Variants in KLHL40 observed in about 807,000 individuals in gnomAD.
The protein encoded by KLHL40 is kelch like family member 40, also known as kelch-like protein 40.
Under a neutral mutation model 49.7 loss-of-function variants are expected in KLHL40, and 44 were observed. That is an observed-to-expected ratio of 0.89 (90% CI 0.70 to 1.14). The LOEUF (loss-of-function observed/expected upper bound fraction) is 1.14. KLHL40 is among the 50% of genes most tolerant of loss of function. The probability of loss-of-function intolerance (pLI) is 0.00; values close to 1 mark genes in which losing one functional copy is unlikely to be tolerated. For missense variants in KLHL40, 892 were observed against 850.3 expected, an observed-to-expected ratio of 1.05 and a Z score of -0.61; for synonymous variants, 409 against 365.2, an observed-to-expected ratio of 1.12 and a Z score of -1.37.
At chr3:42,690,759 T>C in intron 4 of KLHL40, 100 bp from the exon 5 acceptor site, 1 of 1,324,366 alleles carries the variant, frequency 7.6e-7, no homozygotes, top group Non-Finnish European at 1.0e-6. Context: ...GGGACTTGGA[T>C]TGCAAAGGGT....
rs2125844656 is a variant in KLHL40 at position 42,686,095 on chromosome 3, C to T, written c.477C>T (p.His159=). The change falls in exon 1 of 6, where the codon CAC becomes CAT. Residue 159 remains histidine, a synonymous_variant. Coordinates refer to ENST00000287777, the MANE Select transcript of KLHL40 (RefSeq NM_152393.4). ...CTGCCCGCGACTTCATCTGCGCTCA[C>T]TTCACGCTGGTGGCGCGCGACGCTG... is the stretch of plus-strand genomic sequence containing the variant. ...AVAARDFICA[H]FTLVARDADF... is the part of the protein sequence containing the mutation. 6.2e-7 allele frequency: 1 copy of T among 1,601,992 alleles called. No individual in the cohort carries two copies. Among genetic ancestry groups the T allele is most frequent in the Non-Finnish European group, 8.5e-7 (1 of 1,179,734 alleles).
rs752798550 is a variant in KLHL40 at position 42,686,179 on chromosome 3, C to T, written c.561C>T (p.Asn187=). Reference sequence around the variant, plus strand: ...CCATCATCTCCAGCGACGGCCTTAACGTGGAGAAGGAGGAGGCAGTGTTCG... The same window carrying T: ...CCATCATCTCCAGCGACGGCCTTAATGTGGAGAAGGAGGAGGCAGTGTTCG... ...LIAIISSDGL[N]VEKEEAVFEA... is the part of the protein sequence containing the mutation. Residue 187 remains asparagine (N), a synonymous_variant, in exon 1 of 6, where the codon AAC becomes AAT. Transcript: ENST00000287777. 1.9e-6 allele frequency: 3 copies of T among 1,586,132 alleles called. No homozygotes were observed. The highest frequency in any genetic ancestry group is 2.6e-6 in the Non-Finnish European group (3 of 1,170,852).
Position 42,691,819 on chromosome 3 carries a change from G to A in KLHL40, c.1755-63G>A, listed in dbSNP as rs760483593. On this transcript the variant is annotated intron_variant, in intron 5 of 5. Transcript: ENST00000287777. ...GCCCTCAGCCACCCCTCTCTGCTGC[G>A]TTCCACTCTGGACTCAGCTGACCAA... 2.4e-4 allele frequency: 243 copies of A among 1,030,582 alleles called. 1 individual carries two copies. Among genetic ancestry groups the A allele is most frequent in the South Asian group, 3.3e-4 (26 of 78,968 alleles). 63.8% of individuals were successfully genotyped at this position (1,030,582 alleles called of 1,614,324 possible).
In KLHL40 at chr3:42,688,301, C is replaced by G; in HGVS notation, c.1312C>G (p.Leu438Val). Residue 438 changes from leucine (L) to valine (V), a missense_variant and splice_region_variant, in exon 2 of 6, where the codon CTG becomes GTG. Coordinates refer to ENST00000287777, the MANE Select transcript of KLHL40 (RefSeq NM_152393.4). This position sits in a 1 kb window ranked among gnomAD's most constrained non-coding sequence, Gnocchi z 4.2. Reference sequence around the variant, plus strand: ...GGACTCGGTCATGTGCTACGACAGGCTGTGAGCATGGCTGGGGTGGGGCTG... The same window carrying G: ...GGACTCGGTCATGTGCTACGACAGGGTGTGAGCATGGCTGGGGTGGGGCTG... ...CLDSVMCYDR[L>V]SFKWGESDPL... 6.2e-7 allele frequency: 1 copy of G among 1,613,596 alleles called. No homozygotes were observed. Among genetic ancestry groups the G allele is most frequent in the South Asian group, 1.1e-5 (1 of 91,060 alleles).
intron 4 of KLHL40, among the ~76,000 whole-genome samples, chr3:42,689,635 C>A (rs913517196): frequency 5.9e-5 from 9 of 151,898 alleles, no homozygotes; most frequent in African/African-American, 2.2e-4. Context: ...TACTTCATGG[C>A]AACTGATATA....
In KLHL40 at chr3:42,686,340, A is replaced by T; in HGVS notation, c.722A>T (p.His241Leu). 6.2e-7 allele frequency: 1 copy of T among 1,611,662 alleles called. No homozygotes were observed. Among genetic ancestry groups the T allele is most frequent in the Middle Eastern group, 1.7e-4 (1 of 5,982 alleles). ...TTTCTGGAAAGCCGCGTGGAGCGCC[A>T]CCCTCTCGTGCGTGCCCAGCCCGAG... ...RAFLESRVER[H>L]PLVRAQPELL... is the part of the protein sequence containing the mutation. The change falls in exon 1 of 6, where the codon CAC becomes CTC. Residue 241 changes from histidine (H) to leucine (L), a missense_variant. Transcript: ENST00000287777.
intron 4 of KLHL40, among the ~76,000 whole-genome samples, chr3:42,690,295 G>T (rs1019442777): frequency 1.3e-5 from 2 of 152,216 alleles, no homozygotes; most frequent in African/African-American, 4.8e-5. Flanking sequence ...AGATGGGTGA[G>T]GAAAGTCACG....
chr3:42,688,127 A>G lies in KLHL40; in HGVS notation c.1153-15A>G. ...GGAGTGGGGGGCGGTAGCTGACTGG[A>G]CACCTGGCCTGCAGTTTGACCATCT... is the stretch of plus-strand genomic sequence containing the variant. On this transcript the variant is annotated splice_polypyrimidine_tract_variant and intron_variant, in intron 1 of 5. Transcript: ENST00000287777. This position sits in a 1 kb window ranked among gnomAD's most constrained non-coding sequence, Gnocchi z 4.2. 6.2e-7 allele frequency: 1 copy of G among 1,613,472 alleles called. No homozygotes were observed. The highest frequency in any genetic ancestry group is 8.5e-7 in the Non-Finnish European group (1 of 1,179,900).
At chr3:42,687,673 A>G (rs1193967671) in intron 1 of KLHL40, among the ~76,000 whole-genome samples, 1 of 152,198 alleles carries the variant, frequency 6.6e-6, no homozygotes, top group African/African-American at 2.4e-5. Flanking sequence ...AACTTTCCAA[A>G]AAGATGAACC....
chr3:42,688,691 C>T lies in KLHL40; in HGVS notation c.1395C>T (p.Tyr465=), dbSNP rs139588377. The T allele has an allele frequency of 1.4e-4, 230 of 1,613,806 alleles. No homozygotes were observed. In the South Asian group the frequency reaches 1.9e-3, roughly 13 times the overall value. ...HTVLSHMDLV[Y]VIGGKGSDRK... ...TGCTCTCCCACATGGACCTTGTCTA[C>T]GTAATTGGCGGCAAAGGCAGTGACA... Residue 465 remains tyrosine, a synonymous_variant, in exon 3 of 6, where the codon TAC becomes TAT. Transcript: ENST00000287777. This position sits in a 1 kb window ranked among gnomAD's most constrained non-coding sequence, Gnocchi z 4.2.
intron 4 of KLHL40, among the ~76,000 whole-genome samples, chr3:42,689,738 G>T (rs886395608): frequency 3.9e-5 from 6 of 152,136 alleles, no homozygotes; most frequent in African/African-American, 1.4e-4. Context: ...TTGAGGGGAT[G>T]CACCGGACAA....
chr3:42,691,478 C>T (rs531413480), intron 5 of KLHL40, among the ~76,000 whole-genome samples: 8 of 152,046 alleles, frequency 5.3e-5, no homozygotes, highest in African/African-American at 1.9e-4. Flanking sequence ...CCTTCCTGAA[C>T]CTGCAGCCAT....
Position 42,688,788 on chromosome 3 carries a change from T to C in KLHL40, c.1421+71T>C, listed in dbSNP as rs1697316388. On this transcript the variant is annotated intron_variant, in intron 3 of 5. Transcript: ENST00000287777. This position sits in a 1 kb window ranked among gnomAD's most constrained non-coding sequence, Gnocchi z 4.2. ...CCCAGAGGCTGTCAGGGGTTTGTCC[T>C]GGCTGCCCCGGCAGGTGATTGCAGG... 1.9e-6 allele frequency: 3 copies of C among 1,587,226 alleles called. No individual in the cohort carries two copies. The highest frequency in any genetic ancestry group is 2.6e-6 in the Non-Finnish European group (3 of 1,155,824).
rs1278128878 is a variant in KLHL40 at position 42,686,500 on chromosome 3, G to A, written c.882G>A (p.Glu294=). ...DKGTSKAKAE[E]DEEAERILPG... ...GCACAAGCAAAGCCAAAGCAGAGGA[G>A]GATGAGGAGGCCGAACGTATCCTTC... Residue 294 remains glutamate (E), a synonymous_variant, in exon 1 of 6, where the codon GAG becomes GAA. Transcript: ENST00000287777. The A allele has an allele frequency of 6.2e-7, 1 of 1,614,186 alleles. No homozygotes were observed. Among genetic ancestry groups the A allele is most frequent in the Non-Finnish European group, 8.5e-7 (1 of 1,180,040 alleles).
chr3:42,691,734 G>C (rs1488379856), intron 5 of KLHL40, 148 bp from the exon 6 acceptor site: 8 of 626,498 alleles, frequency 1.3e-5, no homozygotes, highest in Admixed American at 2.4e-5. Flanking sequence ...CTTGTGGGGG[G>C]TCTCCTTTCC....
rs1009233198 is a variant in KLHL40, at chr3:42,688,797, C to G, written c.1422-72C>G. On this transcript the variant is annotated intron_variant, in intron 3 of 5. Transcript: ENST00000287777. This position sits in a 1 kb window ranked among gnomAD's most constrained non-coding sequence, Gnocchi z 4.2. Reference sequence around the variant, plus strand: ...TGTCAGGGGTTTGTCCTGGCTGCCCCGGCAGGTGATTGCAGGGAGGCGTGG... The same window carrying G: ...TGTCAGGGGTTTGTCCTGGCTGCCCGGGCAGGTGATTGCAGGGAGGCGTGG... 3 of 1,584,326 alleles carry G rather than the reference C, an allele frequency of 1.9e-6. No homozygotes were observed. Among genetic ancestry groups the G allele is most frequent in the Non-Finnish European group, 2.6e-6 (3 of 1,153,200 alleles).
chr3:42,688,429 T>G lies in KLHL40; in HGVS notation c.1313+127T>G. 1 of 972,562 alleles carries G rather than the reference T, an allele frequency of 1.0e-6. No individual in the cohort carries two copies. Among genetic ancestry groups the G allele is most frequent in the South Asian group, 1.5e-5 (1 of 66,834 alleles). 60.2% of individuals were successfully genotyped at this position (972,562 alleles called of 1,614,324 possible). On this transcript the variant is annotated intron_variant, in intron 2 of 5. Transcript: ENST00000287777. The surrounding 1 kb of genome is among the most constrained non-coding windows in gnomAD (Gnocchi z 4.2). ...TGCTTAGAGTGAAGGTGGGCTTGGG[T>G]AAGGGCGGGGAGGTTGGGGGGCAGG...
intron 5 of KLHL40, among the ~76,000 whole-genome samples, chr3:42,691,378 A>T (rs1697364251): frequency 6.6e-6 from 1 of 152,190 alleles, no homozygotes; most frequent in African/African-American, 2.4e-5. Context: ...GCTGGGAAAC[A>T]GTTGGAGCCC....
Position 42,686,329 on chromosome 3 carries a change from C to T in KLHL40, c.711C>T (p.Arg237=). The T allele has an allele frequency of 1.2e-6, 2 of 1,609,106 alleles. No homozygotes were observed. The highest frequency in any genetic ancestry group is 1.7e-6 in the Non-Finnish European group (2 of 1,177,878). Residue 237 remains arginine, a synonymous_variant, in exon 1 of 6, where the codon CGC becomes CGT. Transcript: ENST00000287777. ...TGCCGCGCGCCTTTCTGGAAAGCCG[C>T]GTGGAGCGCCACCCTCTCGTGCGTG... ...RLLPRAFLES[R]VERHPLVRAQ...
Sources: allele counts gnomAD v4.1 joint callset (sites outside exome capture counted in the v4.1 genomes callset), GRCh38; gene constraint gnomAD v4.1.1; non-coding constraint Gnocchi (gnomAD v3.1); transcripts MANE v1.5; gene names NCBI Gene and HGNC (gene_info 2026-07-23, HGNC 2026-07-21).